RAB18: variants seen among roughly 807,000 people sequenced by gnomAD.
RAB18 encodes ras-related protein Rab-18.
Under a neutral mutation model 28.5 loss-of-function variants are expected in RAB18, and 10 were observed. The ratio of observed to expected loss-of-function variants is 0.35; its 90% CI spans 0.22 to 0.60. RAB18 has a LOEUF of 0.60. Ranked by LOEUF, RAB18 falls within the 20% of genes least tolerant of loss-of-function variation. The pLI, the probability that RAB18 is intolerant of heterozygous loss-of-function variation, is 0.78. For missense variants in RAB18, 188 were observed against 244.2 expected (o/e 0.77, Z 1.53); for synonymous variants, 93 against 86.9 (o/e 1.07, Z -0.39).
At chr10:27,504,594 G>A in intron 1 of RAB18, 157 bp downstream of exon 1, 1 of 900,304 alleles carries the variant, frequency 1.1e-6, no homozygotes, top group South Asian at 1.4e-5. Flanking sequence ...GCTCTCCCGC[G>A]ACGTTTGCTT....
chr10:27,534,182 A>C (rs554115202), intron 6 of RAB18, among the ~76,000 whole-genome samples, 188 bp downstream of exon 6: 2 of 152,316 alleles, frequency 1.3e-5, no homozygotes, highest in East Asian at 3.9e-4. Flanking sequence ...GTATGATCAT[A>C]TTATGTGAAA....
chr10:27,512,805 A>G (rs757334368), intron 2 of RAB18, among the ~76,000 whole-genome samples: 1 of 151,954 alleles, frequency 6.6e-6, no homozygotes, highest in Non-Finnish European at 1.5e-5. Flanking sequence ...TACAAACCCA[A>G]ATGGAATTTG....
At chr10:27,520,081 A>G (rs1834515780) in intron 2 of RAB18, among the ~76,000 whole-genome samples, 1 of 152,256 alleles carries the variant, frequency 6.6e-6, no homozygotes, top group South Asian at 2.1e-4. Flanking sequence ...AATGCGATGT[A>G]TTACTTTGAT....
chr10:27,529,711 G>T (rs1834749964), intron 3 of RAB18, among the ~76,000 whole-genome samples: 1 of 151,998 alleles, frequency 6.6e-6, no homozygotes, highest in African/African-American at 2.4e-5. Context: ...TTACAAAGAT[G>T]TTATTATACC....
At chr10:27,528,440 C>T (rs1834723519) in intron 3 of RAB18, 2 of 419,014 alleles carry the variant, frequency 4.8e-6, no homozygotes, top group Non-Finnish European at 9.4e-6. Flanking sequence ...AGTGAGCATT[C>T]TTTAAAATAT....
At chr10:27,521,267 A>T (rs1030748693) in intron 2 of RAB18, among the ~76,000 whole-genome samples, 2 of 150,326 alleles carry the variant, frequency 1.3e-5, no homozygotes, top group African/African-American at 5.0e-5. Context: ...TGTTATACGG[A>T]GTATTCTGTT....
chr10:27,504,869 G>A (rs1837775516), intron 1 of RAB18: 1 of 475,328 alleles, frequency 2.1e-6, no homozygotes, highest in African/African-American at 2.0e-5. Context: ...GGGTTTCTGT[G>A]GGGCCTTCTC....
At chr10:27,530,039 G>T (rs976167605) in intron 3 of RAB18, among the ~76,000 whole-genome samples, 2 of 151,958 alleles carry the variant, frequency 1.3e-5, no homozygotes, top group Non-Finnish European at 2.9e-5. Flanking sequence ...AACTGGAATT[G>T]CAGTTCTGAT....
chr10:27,513,327 G>A (rs544242151), intron 2 of RAB18, among the ~76,000 whole-genome samples: 128 of 152,096 alleles, frequency 8.4e-4, no homozygotes, highest in Middle Eastern at 3.4e-3. Context: ...GAGCCACCAC[G>A]CCCAGCCCAC....
At chr10:27,533,638 A>G (rs551345910) in intron 4 of RAB18, 97 bp from the exon 5 acceptor site, 1 of 1,433,360 alleles carries the variant, frequency 7.0e-7, no homozygotes, top group African/African-American at 1.4e-5. Flanking sequence ...AGACTTGTCT[A>G]TATTGCTTAG....
chr10:27,510,129 C>G, intron 2 of RAB18, 199 bp downstream of exon 2: 1 of 601,766 alleles, frequency 1.7e-6, no homozygotes, highest in South Asian at 2.0e-5. Flanking sequence ...AAAATAACTT[C>G]CTTATCTGTT....
chr10:27,510,632 T>C (rs962878619), intron 2 of RAB18: 7 of 152,308 alleles, frequency 4.6e-5, no homozygotes, highest in African/African-American at 1.7e-4. Flanking sequence ...TAGATAATAG[T>C]CTTGGTTGAC....
At chr10:27,519,690 A>T (rs1331607738) in intron 2 of RAB18, among the ~76,000 whole-genome samples, 1 of 152,164 alleles carries the variant, frequency 6.6e-6, no homozygotes, top group Non-Finnish European at 1.5e-5. Context: ...AAATGAATGG[A>T]AAGATATAAC....
chr10:27,531,982 G>A (rs1834797567), intron 3 of RAB18, among the ~76,000 whole-genome samples: 1 of 151,908 alleles, frequency 6.6e-6, no homozygotes, highest in Admixed American at 6.6e-5. Context: ...TTGGTTATAT[G>A]CATTTTCTCA....
intron 3 of RAB18, 127 bp downstream of exon 3, chr10:27,527,016 G>C (rs769464259): frequency 1.8e-5 from 18 of 1,027,670 alleles, no homozygotes; most frequent in Non-Finnish European, 2.6e-5. Context: ...TGGGAGATTT[G>C]ATACTGATTA....
chr10:27,526,487 A>G (rs1834675374), intron 2 of RAB18, among the ~76,000 whole-genome samples: 1 of 152,202 alleles, frequency 6.6e-6, no homozygotes, highest in South Asian at 2.1e-4. Context: ...ACAGTCAGCC[A>G]TGGATAGTCT....
intron 2 of RAB18, among the ~76,000 whole-genome samples, chr10:27,526,625 C>T (rs1054540529): frequency 6.6e-6 from 1 of 152,192 alleles, no homozygotes; most frequent in African/African-American, 2.4e-5. Context: ...ATTCTACAAG[C>T]ATTTGATTTT....
chr10:27,540,367 A>G lies in RAB18; in HGVS notation c.*2316A>G, dbSNP rs915127526. On this transcript the variant is annotated 3_prime_UTR_variant, in exon 7 of 7. Coordinates refer to ENST00000356940, the MANE Select transcript of RAB18 (RefSeq NM_021252.5). ...CACTGAGCTGGATTCCAGTCATGGC[A>G]TTTTTACTTCTGAGCCCATACTCTT... The G allele has an allele frequency of 1.8e-5, 8 of 453,940 alleles. No individual in the cohort carries two copies. Among genetic ancestry groups the G allele is most frequent in the Non-Finnish European group, 3.5e-5 (8 of 226,768 alleles). 28.1% of individuals were successfully genotyped at this position (453,940 alleles called of 1,614,324 possible). A position where few individuals can be genotyped will look rare whatever the true frequency, so the allele number is the denominator to read the frequency against.
At chr10:27,509,729 TGCTCTGAG>T (rs1409962559) in intron 1 of RAB18, 138 bp from the exon 2 acceptor site, 8 of 715,386 alleles carry the variant, frequency 1.1e-5, no homozygotes, top group Non-Finnish European at 2.0e-5. Context: ...TGTGTATACC[TGCTCTGAG>T]GCAGTATTCC....
Sources: gnomAD v4.1 joint callset for allele counts (sites outside exome capture counted in the v4.1 genomes callset) on GRCh38, gnomAD v4.1.1 for gene constraint, MANE v1.5 for transcripts, NCBI Gene and HGNC (gene_info 2026-07-23, HGNC 2026-07-21) for gene names.